Variants in DNMBP observed in about 807,000 individuals in gnomAD.
The protein encoded by DNMBP is dynamin-binding protein.
In DNMBP, 87 loss-of-function variants were observed where a neutral mutation model predicts 150.0. That is an observed-to-expected ratio of 0.58 (90% confidence interval 0.49 to 0.69). The LOEUF (loss-of-function observed/expected upper bound fraction) is 0.69, where lower values mean the gene tolerates loss of function less well. Among genes scored for constraint, DNMBP ranks in the 30% least tolerant of loss-of-function variants. DNMBP has a pLI of 0.00. For synonymous variants in DNMBP, 711 were observed against 750.4 expected, an observed-to-expected ratio of 0.95 and a Z score of 0.86; for missense variants, 1,774 against 1,949.0, an observed-to-expected ratio of 0.91 and a Z score of 1.69.
chr10:99,943,523 C>T (rs1021309376), intron 4 of DNMBP, among the ~76,000 whole-genome samples: 6 of 152,152 alleles, frequency 3.9e-5, no homozygotes, highest in Admixed American at 3.9e-4. Flanking sequence ...CCACCTCAGT[C>T]TCCCTAGTAG....
At chr10:99,930,076 C>T (rs1485404584) in intron 4 of DNMBP, 1 of 702,838 alleles carries the variant, frequency 1.4e-6, no homozygotes, top group Admixed American at 2.0e-5. Context: ...TTGATAAATT[C>T]CTTATCTTCA....
chr10:99,932,502 T>C (rs965745869), intron 4 of DNMBP, among the ~76,000 whole-genome samples: 10 of 152,010 alleles, frequency 6.6e-5, no homozygotes, highest in African/African-American at 2.4e-4. Context: ...ACATGGCTCG[T>C]ATGGAAACCT....
chr10:100,003,729 T>C (rs951563145), intron 1 of DNMBP, among the ~76,000 whole-genome samples: 1 of 151,756 alleles, frequency 6.6e-6, no homozygotes, highest in Non-Finnish European at 1.5e-5. Flanking sequence ...CTTATAAAAA[T>C]ATTTAGCTGG....
At chr10:99,929,745 T>C in intron 4 of DNMBP, 2 of 702,998 alleles carry the variant, frequency 2.8e-6, no homozygotes, top group South Asian at 1.5e-5. Flanking sequence ...GATGTTCTTC[T>C]CTAATGACGA....
At chr10:99,881,850 T>C (rs1181799221) in intron 15 of DNMBP, among the ~76,000 whole-genome samples, 1 of 152,136 alleles carries the variant, frequency 6.6e-6, no homozygotes, top group Non-Finnish European at 1.5e-5. Context: ...GTGACATTTT[T>C]CAGTTCTGGG....
intron 4 of DNMBP, among the ~76,000 whole-genome samples, chr10:99,920,079 A>ATT (rs567625840): frequency 4.1e-5 from 6 of 145,788 alleles, no homozygotes; most frequent in South Asian, 4.3e-4. Flanking sequence ...CTATATTTCC[A>ATT]TTTTTTTTTT....
At chr10:99,929,305 G>C (rs186129959) in intron 4 of DNMBP, among the ~76,000 whole-genome samples, 1 of 151,094 alleles carries the variant, frequency 6.6e-6, no homozygotes, top group East Asian at 1.9e-4. Flanking sequence ...ACAAAAACAT[G>C]AAAGTAAGAA....
intron 14 of DNMBP, among the ~76,000 whole-genome samples, chr10:99,884,646 C>T (rs1234926618): frequency 1.3e-5 from 2 of 152,204 alleles, no homozygotes; most frequent in East Asian, 1.9e-4. Context: ...TGGTTGCTCA[C>T]ACCTGTAATC....
chr10:99,991,697 G>T (rs912335093), intron 1 of DNMBP, among the ~76,000 whole-genome samples: 1 of 151,782 alleles, frequency 6.6e-6, no homozygotes, highest in South Asian at 2.1e-4. Flanking sequence ...ACAAGGTCAG[G>T]AGATCGAGAC....
intron 1 of DNMBP, among the ~76,000 whole-genome samples, chr10:100,000,876 A>AG (rs953716579): frequency 6.8e-6 from 1 of 147,624 alleles, no homozygotes; most frequent in African/African-American, 2.6e-5. Flanking sequence ...AAAAAAAAAA[A>AG]AAAAAAAAAA....
intron 12 of DNMBP, among the ~76,000 whole-genome samples, chr10:99,888,178 A>T (rs1413463715): frequency 6.7e-6 from 1 of 150,200 alleles, no homozygotes; most frequent in African/African-American, 2.5e-5. Flanking sequence ...CTATATTCCT[A>T]AATATTTGTC....
At chr10:99,899,743 T>C (rs2039711633) in intron 7 of DNMBP, 176 bp downstream of exon 7, 1 of 753,868 alleles carries the variant, frequency 1.3e-6, no homozygotes, top group Non-Finnish European at 2.2e-6. Context: ...TAATACTCTA[T>C]ACAGATAAAA....
At chr10:99,940,806 C>G (rs1445204725) in intron 4 of DNMBP, among the ~76,000 whole-genome samples, 2 of 152,188 alleles carry the variant, frequency 1.3e-5, no homozygotes, top group African/African-American at 4.8e-5. Context: ...TGAAACTGCT[C>G]TTGACAAGGT....
intron 6 of DNMBP, among the ~76,000 whole-genome samples, chr10:99,902,555 C>T (rs1169521107): frequency 4.7e-5 from 7 of 149,230 alleles, no homozygotes; most frequent in Admixed American, 2.0e-4. Context: ...GGTGATCCGC[C>T]CGTCTCAGCC....
intron 1 of DNMBP, 25 bp from the exon 2 acceptor site, chr10:99,972,159 A>C (rs747131937): frequency 4.4e-6 from 7 of 1,588,808 alleles, no homozygotes; most frequent in Non-Finnish European, 6.0e-6. Context: ...CAAGAGAAAT[A>C]GAAAACATCA....
At chr10:99,914,813 G>A (rs1234640211) in intron 4 of DNMBP, among the ~76,000 whole-genome samples, 3 of 152,072 alleles carry the variant, frequency 2.0e-5, no homozygotes, top group East Asian at 1.9e-4. Context: ...TAGGCTGGGC[G>A]CAGTGGCTCA....
intron 1 of DNMBP, among the ~76,000 whole-genome samples, chr10:99,995,706 A>C (rs561549289): frequency 3.3e-5 from 5 of 152,054 alleles, no homozygotes; most frequent in African/African-American, 1.2e-4. Flanking sequence ...GACAGAAATA[A>C]AAGTGAATAC....
At chr10:99,932,021 G>C (rs1304478572) in intron 4 of DNMBP, among the ~76,000 whole-genome samples, 1 of 152,202 alleles carries the variant, frequency 6.6e-6, no homozygotes, top group Non-Finnish European at 1.5e-5. Flanking sequence ...GAGATAGGTT[G>C]GGGTGGACCC....
intron 4 of DNMBP, among the ~76,000 whole-genome samples, chr10:99,938,582 A>C (rs1407673352): frequency 6.6e-6 from 1 of 152,128 alleles, no homozygotes; most frequent in Non-Finnish European, 1.5e-5. Flanking sequence ...GGGCAAGTGG[A>C]GAGTGAACAG....
Sources: allele counts gnomAD v4.1 joint callset (sites outside exome capture counted in the v4.1 genomes callset), GRCh38; gene constraint gnomAD v4.1.1; transcripts MANE v1.5; gene names NCBI Gene and HGNC (gene_info 2026-07-23, HGNC 2026-07-21).